Variants in NEXMIF observed in about 807,000 individuals in gnomAD.
The protein encoded by NEXMIF is XLMR protein related to neurite extension.
Under a neutral mutation model 62.1 loss-of-function variants are expected in NEXMIF, and 8 were observed. That is an observed-to-expected ratio of 0.13 (90% CI 0.08 to 0.23). The LOEUF (loss-of-function observed/expected upper bound fraction) is 0.23, where lower values mean the gene tolerates loss of function less well. NEXMIF is among the 10% of genes least tolerant of loss of function. The probability of loss-of-function intolerance (pLI) is 1.00; values close to 1 mark genes in which losing one functional copy is unlikely to be tolerated. For missense variants in NEXMIF, 976 were observed against 1,113.3 expected (o/e 0.88, Z 1.75); for synonymous variants, 404 against 416.6 (o/e 0.97, Z 0.37).
chrX:74,905,797 G>A (rs1047235509), intron 1 of NEXMIF, among the ~76,000 whole-genome samples: 2 of 110,673 alleles, frequency 1.8e-5, no homozygotes, highest in Non-Finnish European at 3.8e-5. Context: ...GCAACAGAGC[G>A]AGACTCCATC....
At chrX:74,910,244 C>T (rs746107742) in intron 1 of NEXMIF, among the ~76,000 whole-genome samples, 1 of 112,487 alleles carries the variant, frequency 8.9e-6, no homozygotes, top group Admixed American at 9.4e-5. Flanking sequence ...CCTGCAAAGC[C>T]ACAGAGGTGG....
chrX:74,890,293 A>C (rs1282128100), intron 1 of NEXMIF, among the ~76,000 whole-genome samples: 1 of 111,081 alleles, frequency 9.0e-6, no homozygotes, highest in Non-Finnish European at 1.9e-5. Flanking sequence ...ATTAAAACTG[A>C]ATACCTATAT....
At chrX:74,882,177 T>C (rs1415764835) in intron 1 of NEXMIF, among the ~76,000 whole-genome samples, 1 of 112,167 alleles carries the variant, frequency 8.9e-6, no homozygotes, top group African/African-American at 3.2e-5. Context: ...GGAGCCAAGA[T>C]GGCCGAATAG....
chrX:74,816,089 T>C (rs1442209221), intron 1 of NEXMIF, among the ~76,000 whole-genome samples: 1 of 111,890 alleles, frequency 8.9e-6, no homozygotes, highest in African/African-American at 3.2e-5. Context: ...TGGTCTTCCT[T>C]TACCATCTTG....
At chrX:74,795,813 C>G (rs1230285733) in intron 1 of NEXMIF, among the ~76,000 whole-genome samples, 3 of 109,666 alleles carry the variant, frequency 2.7e-5, no homozygotes, top group African/African-American at 1.0e-4. Flanking sequence ...GCTGATTTAA[C>G]TTTGAAAAAT....
intron 1 of NEXMIF, among the ~76,000 whole-genome samples, chrX:74,860,211 T>C (rs1209217848): frequency 1.8e-5 from 2 of 111,861 alleles, no homozygotes; most frequent in African/African-American, 6.5e-5. Context: ...GATATACCAA[T>C]TTTAAATATA....
intron 1 of NEXMIF, among the ~76,000 whole-genome samples, chrX:74,758,289 G>A (rs1207529149): frequency 1.8e-5 from 2 of 111,370 alleles, no homozygotes; most frequent in African/African-American, 6.5e-5. Context: ...GGGGAAACAT[G>A]ATGTCATTAA....
chrX:74,743,036 C>T lies in NEXMIF; in HGVS notation c.1521G>A (p.Arg507=). The change falls in exon 3 of 4, where the codon AGG becomes AGA. Residue 507 remains arginine (R), a synonymous_variant. Transcript: ENST00000055682. ...DSLEGEKVNE[R]KEWLPVGSKE... The stretch of plus-strand genomic sequence containing the variant: ...TGGAACCAACTGGCAGCCATTCCTT[C>T]CTCTCATTTACTTTTTCACCCTCTA... The T allele has an allele frequency of 1.7e-6, 2 of 1,210,967 alleles. No individual in the cohort carries two copies. The highest frequency in any genetic ancestry group is 3.5e-5 in the African/African-American group (2 of 57,740).
intron 1 of NEXMIF, among the ~76,000 whole-genome samples, chrX:74,797,554 C>A (rs1334663073): frequency 8.9e-6 from 1 of 112,175 alleles, no homozygotes; most frequent in African/African-American, 3.2e-5. Flanking sequence ...CTGTCAGATT[C>A]TTCCTTAACA....
chrX:74,763,063 T>A (rs903029382), intron 1 of NEXMIF, among the ~76,000 whole-genome samples: 6 of 112,012 alleles, frequency 5.4e-5, no homozygotes, highest in Non-Finnish European at 9.4e-5. Flanking sequence ...CTGAATGGTA[T>A]TGCCTAGGTT....
intron 1 of NEXMIF, among the ~76,000 whole-genome samples, chrX:74,758,235 A>T (rs2147448391): frequency 9.0e-6 from 1 of 111,129 alleles, no homozygotes; most frequent in African/African-American, 3.3e-5. Context: ...ATGATCTAAC[A>T]TAAAAAATTA....
chrX:74,909,847 G>A (rs932673399), intron 1 of NEXMIF, among the ~76,000 whole-genome samples: 13 of 112,050 alleles, frequency 1.2e-4, no homozygotes, highest in African/African-American at 3.6e-4. Flanking sequence ...CGTACAGCTC[G>A]GCCCATGGTT....
intron 1 of NEXMIF, among the ~76,000 whole-genome samples, chrX:74,865,159 T>G (rs1217671395): frequency 8.9e-6 from 1 of 112,008 alleles, no homozygotes; most frequent in African/African-American, 3.2e-5. Flanking sequence ...GGAGTGCTCA[T>G]AAGAAGGTAG....
chrX:74,796,201 C>CA (rs1556024024), intron 1 of NEXMIF, among the ~76,000 whole-genome samples: 5 of 16,557 alleles, frequency 3.0e-4, no homozygotes, highest in African/African-American at 4.4e-4. Context: ...TATATATATA[C>CA]ATATATATTA....
chrX:74,816,381 T>A (rs2080376088), intron 1 of NEXMIF, among the ~76,000 whole-genome samples: 1 of 111,954 alleles, frequency 8.9e-6, no homozygotes, highest in Non-Finnish European at 1.9e-5. Context: ...TCTTTGAATA[T>A]TAAGAATCTA....
At chrX:74,907,611 A>G (rs1268392337) in intron 1 of NEXMIF, among the ~76,000 whole-genome samples, 2 of 111,063 alleles carry the variant, frequency 1.8e-5, no homozygotes, top group Admixed American at 1.9e-4. Flanking sequence ...GAGAGAGAGA[A>G]AAGCTTGTCC....
At chrX:74,866,786 C>G (rs1431409328) in intron 1 of NEXMIF, among the ~76,000 whole-genome samples, 1 of 112,723 alleles carries the variant, frequency 8.9e-6, no homozygotes, top group Non-Finnish European at 1.9e-5. Flanking sequence ...GCTGCCATGT[C>G]AGATGTGCCT....
At chrX:74,841,085 T>C (rs370748739) in intron 1 of NEXMIF, among the ~76,000 whole-genome samples, 2 of 112,322 alleles carry the variant, frequency 1.8e-5, no homozygotes, top group East Asian at 5.6e-4. Context: ...ATGATAATTT[T>C]AATGACATTG....
chrX:74,781,708 T>TGTGTATGTGAAAGCCTTAG (rs764451636), intron 1 of NEXMIF, among the ~76,000 whole-genome samples: 32,102 of 66,342 alleles, frequency 0.48, 12,037 homozygotes, highest in Non-Finnish European at 0.8. Flanking sequence ...CAGTGATTTA[T>TGTGTATGTGAAAGCCTTAG]GTGTATGTGA....
Sources: gnomAD v4.1 joint callset for allele counts (sites outside exome capture counted in the v4.1 genomes callset) on GRCh38, gnomAD v4.1.1 for gene constraint, MANE v1.5 for transcripts, NCBI Gene and HGNC (gene_info 2026-07-23, HGNC 2026-07-21) for gene names.